The following PPM1H variants were observed in gnomAD, a reference collection of about 807,000 sequenced individuals.
PPM1H encodes the protein protein phosphatase, Mg2+/Mn2+ dependent 1H.
PPM1H carries 27 observed loss-of-function variants against 54.9 expected under a neutral mutation model. That is an observed-to-expected ratio of 0.49 (90% CI 0.36 to 0.68). The LOEUF (loss-of-function observed/expected upper bound fraction) is 0.68, where lower values mean the gene tolerates loss of function less well. Ranked by LOEUF, PPM1H falls within the 30% of genes least tolerant of loss-of-function variation. PPM1H has a pLI of 0.00. For missense variants in PPM1H, 596 were observed against 667.8 expected (o/e 0.89, Z 1.19); for synonymous variants, 305 against 270.8 (o/e 1.13, Z -1.24).
At chr12:62,925,974 C>T (rs531996045) in intron 1 of PPM1H, among the ~76,000 whole-genome samples, 5 of 152,178 alleles carry the variant, frequency 3.3e-5, no homozygotes, top group South Asian at 2.1e-4. Flanking sequence ...GTAGAATCTT[C>T]GAAACTATCT....
intron 1 of PPM1H, among the ~76,000 whole-genome samples, chr12:62,910,456 G>T (rs1322183710): frequency 2.0e-5 from 3 of 152,028 alleles, no homozygotes; most frequent in Admixed American, 6.6e-5. Flanking sequence ...AAGAGAGAAA[G>T]ATACTAATTC....
chr12:62,901,679 A>G (rs1322502816), intron 1 of PPM1H, among the ~76,000 whole-genome samples: 1 of 152,224 alleles, frequency 6.6e-6, no homozygotes, highest in Non-Finnish European at 1.5e-5. Context: ...CACTCCTAAC[A>G]GGTAAAGAAA....
chr12:62,711,660 A>G (rs1253863180), intron 6 of PPM1H, among the ~76,000 whole-genome samples: 2 of 152,210 alleles, frequency 1.3e-5, no homozygotes, highest in Non-Finnish European at 2.9e-5. Context: ...GATAATAGAT[A>G]TAAATGCTGT....
intron 8 of PPM1H, among the ~76,000 whole-genome samples, chr12:62,684,054 C>T (rs1265815120): frequency 6.6e-6 from 1 of 152,204 alleles, no homozygotes; most frequent in African/African-American, 2.4e-5. Flanking sequence ...CCACTGAACT[C>T]TTTCAGGACA....
At chr12:62,746,158 G>A (rs2076409250) in intron 4 of PPM1H, among the ~76,000 whole-genome samples, 1 of 152,110 alleles carries the variant, frequency 6.6e-6, no homozygotes, top group Non-Finnish European at 1.5e-5. Context: ...TCATGCCACT[G>A]CACTCCAGCC....
chr12:62,808,616 C>T (rs2076819091), intron 2 of PPM1H, among the ~76,000 whole-genome samples: 5 of 152,040 alleles, frequency 3.3e-5, no homozygotes, highest in Admixed American at 3.3e-4. Context: ...CAAATCCCAC[C>T]CACACCAAAC....
intron 1 of PPM1H, among the ~76,000 whole-genome samples, chr12:62,907,843 TGACA>T (rs1325029976): frequency 3.3e-5 from 5 of 152,156 alleles, no homozygotes; most frequent in Non-Finnish European, 5.9e-5. Flanking sequence ...TCCCAGAGGC[TGACA>T]GAAAGAGTAC....
intron 9 of PPM1H, chr12:62,658,962 G>A: frequency 1.4e-6 from 1 of 708,718 alleles, no homozygotes. Flanking sequence ...GCTCATAGAA[G>A]GTTCAAAGGC....
chr12:62,782,390 T>C (rs2076647528), intron 4 of PPM1H, among the ~76,000 whole-genome samples: 1 of 152,228 alleles, frequency 6.6e-6, no homozygotes, highest in African/African-American at 2.4e-5. Flanking sequence ...TCCTGTTTAA[T>C]ACCTAACTCC....
At chr12:62,780,987 C>A (rs868034424) in intron 4 of PPM1H, among the ~76,000 whole-genome samples, 2 of 152,224 alleles carry the variant, frequency 1.3e-5, no homozygotes, top group Non-Finnish European at 2.9e-5. Context: ...CTTAGCCTTT[C>A]AGTGTGTAAG....
At chr12:62,851,277 G>A (rs1376811653) in intron 1 of PPM1H, among the ~76,000 whole-genome samples, 2 of 152,188 alleles carry the variant, frequency 1.3e-5, no homozygotes, top group Non-Finnish European at 2.9e-5. Context: ...ATTTCAGAAG[G>A]ACACAGGAGT....
chr12:62,928,625 G>A (rs947858908), intron 1 of PPM1H, among the ~76,000 whole-genome samples: 1 of 152,078 alleles, frequency 6.6e-6, no homozygotes, highest in African/African-American at 2.4e-5. Flanking sequence ...AAGTCACAAC[G>A]TTGGCGCCAA....
intron 9 of PPM1H, among the ~76,000 whole-genome samples, chr12:62,652,877 T>C (rs1469898065): frequency 1.3e-5 from 2 of 152,052 alleles, no homozygotes; most frequent in Non-Finnish European, 2.9e-5. Context: ...CTGGATTTAA[T>C]TTCCTTCCAT....
At chr12:62,799,073 T>C (rs931827780) in intron 3 of PPM1H, among the ~76,000 whole-genome samples, 9 of 152,334 alleles carry the variant, frequency 5.9e-5, no homozygotes, top group African/African-American at 1.9e-4. Flanking sequence ...ATATTACTGA[T>C]TGAATGAATT....
At chr12:62,877,073 T>C (rs1286649902) in intron 1 of PPM1H, among the ~76,000 whole-genome samples, 1 of 152,180 alleles carries the variant, frequency 6.6e-6, no homozygotes, top group East Asian at 1.9e-4. Flanking sequence ...AAAAAAGTTA[T>C]TGTGTTCACT....
chr12:62,913,633 C>T (rs1207356196), intron 1 of PPM1H, among the ~76,000 whole-genome samples: 1 of 152,082 alleles, frequency 6.6e-6, no homozygotes, highest in Admixed American at 6.5e-5. Context: ...AGAGGTTTGT[C>T]TTGTCTTTGT....
intron 3 of PPM1H, among the ~76,000 whole-genome samples, chr12:62,797,548 G>A (rs1199037425): frequency 6.6e-6 from 1 of 152,198 alleles, no homozygotes; most frequent in Non-Finnish European, 1.5e-5. Context: ...TCCTGCTATA[G>A]ACAGCTGTGT....
intron 2 of PPM1H, among the ~76,000 whole-genome samples, chr12:62,814,666 T>C (rs2120789053): frequency 6.6e-6 from 1 of 152,354 alleles, no homozygotes; most frequent in African/African-American, 2.4e-5. Context: ...TATTCAGGTA[T>C]TTATACAACC....
intron 1 of PPM1H, among the ~76,000 whole-genome samples, chr12:62,859,491 G>C (rs1869519323): frequency 6.6e-6 from 1 of 152,172 alleles, no homozygotes; most frequent in South Asian, 2.1e-4. Context: ...GAAGTTAACT[G>C]TCTCAGCAAA....
Sources: allele counts gnomAD v4.1 joint callset (sites outside exome capture counted in the v4.1 genomes callset), GRCh38; gene constraint gnomAD v4.1.1; transcripts MANE v1.5; gene names NCBI Gene and HGNC (gene_info 2026-07-23, HGNC 2026-07-21).